The following MKLN1 variants were observed in gnomAD, a reference collection of about 807,000 sequenced individuals.
MKLN1 encodes the protein muskelin.
A neutral mutation model predicts 99.0 loss-of-function variants in MKLN1; 18 were observed. The observed-to-expected ratio is 0.18, with a 90% CI of 0.13 to 0.27. MKLN1 has a LOEUF of 0.27. MKLN1 is among the 10% of genes least tolerant of loss of function. MKLN1 has a pLI of 1.00. For missense variants in MKLN1, 621 were observed against 875.9 expected, an observed-to-expected ratio of 0.71 and a Z score of 3.67; for synonymous variants, 288 against 293.2, an observed-to-expected ratio of 0.98 and a Z score of 0.18.
chr7:131,120,247 C>T (rs904129048), intron 1 of MKLN1, among the ~76,000 whole-genome samples: 1 of 151,200 alleles, frequency 6.6e-6, no homozygotes, highest in African/African-American at 2.4e-5. Flanking sequence ...TCTGTCAGGC[C>T]AGTTGCAATG....
At chr7:131,173,181 C>T (rs1005932409) in intron 2 of MKLN1, among the ~76,000 whole-genome samples, 2 of 150,370 alleles carry the variant, frequency 1.3e-5, no homozygotes, top group East Asian at 1.9e-4. Flanking sequence ...ATACAACAGA[C>T]ATAATAAAGC....
chr7:131,374,119 T>C (rs902612986), intron 1 of MKLN1, among the ~76,000 whole-genome samples: 2 of 152,160 alleles, frequency 1.3e-5, no homozygotes, highest in Non-Finnish European at 2.9e-5. Context: ...ACTGCTCCCT[T>C]CTTCTGCCTT....
intron 1 of MKLN1, among the ~76,000 whole-genome samples, chr7:131,351,687 C>G (rs2116765096): frequency 6.6e-6 from 1 of 152,160 alleles, no homozygotes; most frequent in South Asian, 2.1e-4. Flanking sequence ...TGGTCTTAAA[C>G]TCCTGGCCTC....
At chr7:131,450,224 G>A (rs141136007) in intron 12 of MKLN1, among the ~76,000 whole-genome samples, 2 of 152,262 alleles carry the variant, frequency 1.3e-5, no homozygotes, top group South Asian at 2.1e-4. Context: ...TGTGTTACCA[G>A]TAAAGAATAG....
At chr7:131,286,712 A>G (rs1272950947) in intron 3 of MKLN1, among the ~76,000 whole-genome samples, 2 of 152,256 alleles carry the variant, frequency 1.3e-5, no homozygotes, top group Non-Finnish European at 1.5e-5. Context: ...CTTGTTTCGA[A>G]TAAGAATGTC....
Position 131,138,012 on chromosome 7 carries a change from G to A in MKLN1, c.-418-4808G>A, listed in dbSNP as rs559458469. 5.0e-5 allele frequency among the ~76,000 whole-genome samples: 7 copies of A among 140,966 alleles called. No individual in the cohort carries two copies. The East Asian group carries it at 1.3e-3, about 26-fold the overall frequency. The allele number at this position is 140,966 out of a possible 152,430, so 92.5% of individuals were successfully genotyped here. A position where few individuals can be genotyped will look rare whatever the true frequency, so the allele number is the denominator to read the frequency against. Reference sequence around the variant, plus strand: ...GTGATCTCGGCTCACCGCAACCTCCGCCTCCCGGGTTCAAGTGATTCTCCT... The same window carrying A: ...GTGATCTCGGCTCACCGCAACCTCCACCTCCCGGGTTCAAGTGATTCTCCT... On this transcript the variant is annotated intron_variant, in intron 1 of 7. Transcript: ENST00000416992.
intron 3 of MKLN1, among the ~76,000 whole-genome samples, chr7:131,281,866 G>T (rs1798057296): frequency 6.6e-6 from 1 of 151,934 alleles, no homozygotes; most frequent in South Asian, 2.1e-4. Flanking sequence ...AAAGATGGGG[G>T]TCTCACTATG....
chr7:131,390,454 C>G (rs1022671681), intron 4 of MKLN1, among the ~76,000 whole-genome samples: 1 of 152,082 alleles, frequency 6.6e-6, no homozygotes, highest in Non-Finnish European at 1.5e-5. Flanking sequence ...GAAATTGGAA[C>G]CTTTTCCAGC....
At chr7:131,227,491 C>CTT (rs1219017887) in intron 3 of MKLN1, among the ~76,000 whole-genome samples, 1 of 122,394 alleles carries the variant, frequency 8.2e-6, no homozygotes. Context: ...TTCTCTCTTT[C>CTT]TTTCTCTTTC....
At chr7:131,189,437 T>C (rs1044276493) in intron 2 of MKLN1, among the ~76,000 whole-genome samples, 2 of 152,154 alleles carry the variant, frequency 1.3e-5, no homozygotes, top group African/African-American at 2.4e-5. Flanking sequence ...TTTCCTGGTA[T>C]GATATGGCTG....
chr7:131,472,619 TGTG>T (rs1796850322), intron 16 of MKLN1, among the ~76,000 whole-genome samples: 1 of 152,000 alleles, frequency 6.6e-6, no homozygotes, highest in African/African-American at 2.4e-5. Flanking sequence ...TGTGTGTGTG[TGTG>T]TGTTGGCATC....
At chr7:131,239,502 A>T (rs1056924360) in intron 3 of MKLN1, among the ~76,000 whole-genome samples, 6 of 152,056 alleles carry the variant, frequency 3.9e-5, no homozygotes, top group African/African-American at 1.2e-4. Flanking sequence ...TTTTTTATAG[A>T]GACAGGGGTC....
chr7:131,356,663 G>T (rs373258991), intron 1 of MKLN1, among the ~76,000 whole-genome samples: 1 of 152,120 alleles, frequency 6.6e-6, no homozygotes, highest in Non-Finnish European at 1.5e-5. Flanking sequence ...CCCACTGATG[G>T]GCAGTCTAGA....
At chr7:131,165,175 C>T (rs1563237425) in intron 2 of MKLN1, among the ~76,000 whole-genome samples, 3 of 151,688 alleles carry the variant, frequency 2.0e-5, no homozygotes, top group South Asian at 2.1e-4. Context: ...AGGGTGTTTT[C>T]GTTGTTGTTG....
intron 1 of MKLN1, among the ~76,000 whole-genome samples, chr7:131,373,993 T>C (rs1383402159): frequency 6.6e-6 from 1 of 152,184 alleles, no homozygotes; most frequent in Non-Finnish European, 1.5e-5. Context: ...TCCTCTGATG[T>C]TTTCCTGCTG....
At chr7:131,150,728 A>G (rs1306521906) in intron 2 of MKLN1, among the ~76,000 whole-genome samples, 1 of 152,040 alleles carries the variant, frequency 6.6e-6, no homozygotes, top group Non-Finnish European at 1.5e-5. Flanking sequence ...CAAATGAATA[A>G]CTAAATCTAC....
chr7:131,323,174 C>T (rs1186422624), upstream of MKLN1, among the ~76,000 whole-genome samples: 2 of 151,976 alleles, frequency 1.3e-5, no homozygotes, highest in Non-Finnish European at 2.9e-5. Flanking sequence ...ATTCATTTCC[C>T]CTGAGAGAAG....
intron 2 of MKLN1, among the ~76,000 whole-genome samples, chr7:131,202,263 G>A (rs902239552): frequency 9.8e-5 from 14 of 142,962 alleles, no homozygotes; most frequent in Admixed American, 3.7e-4. Flanking sequence ...GAGTTCAAGC[G>A]ATTCACCATG....
chr7:131,268,286 C>A (rs1283181988), intron 3 of MKLN1, among the ~76,000 whole-genome samples: 1 of 152,144 alleles, frequency 6.6e-6, no homozygotes. Context: ...TGTCTAGATC[C>A]TCTGAAGCCA....
Sources: allele counts gnomAD v4.1 joint callset (sites outside exome capture counted in the v4.1 genomes callset), GRCh38; gene constraint gnomAD v4.1.1; transcripts MANE v1.5; gene names NCBI Gene and HGNC (gene_info 2026-07-23, HGNC 2026-07-21).